CSMD3: variants seen among roughly 807,000 people sequenced by gnomAD.
The protein encoded by CSMD3 is CUB and sushi domain-containing protein 3.
A neutral mutation model predicts 435.2 loss-of-function variants in CSMD3; 177 were observed. That is an observed-to-expected ratio of 0.41 (90% CI 0.36 to 0.46). The LOEUF is 0.46. Among genes scored for constraint, CSMD3 ranks in the 20% least tolerant of loss-of-function variants. The pLI, the probability that CSMD3 is intolerant of heterozygous loss-of-function variation, is 0.34. For synonymous variants in CSMD3, 1,656 were observed against 1,520.5 expected (o/e 1.09, Z -2.07); for missense variants, 4,265 against 4,504.6 (o/e 0.95, Z 1.52).
intron 38 of CSMD3, among the ~76,000 whole-genome samples, chr8:112,368,700 G>T (rs55690769): frequency 0.18 from 27,777 of 151,970 alleles, 3,062 homozygotes; most frequent in Middle Eastern, 0.35. Context: ...ATTATGGGAG[G>T]AGGTTATAAG....
intron 7 of CSMD3, among the ~76,000 whole-genome samples, chr8:112,973,670 T>C (rs928606151): frequency 3.9e-5 from 6 of 151,902 alleles, no homozygotes; most frequent in South Asian, 4.1e-4. Flanking sequence ...AGCATAGCTA[T>C]ATTTTGAGAA....
At chr8:112,735,808 A>G (rs749255256) in intron 13 of CSMD3, among the ~76,000 whole-genome samples, 1 of 151,828 alleles carries the variant, frequency 6.6e-6, no homozygotes, top group Non-Finnish European at 1.5e-5. Flanking sequence ...ACAATATAAC[A>G]CTTTTTTTTT....
chr8:113,052,589 G>C (rs2088146150), intron 5 of CSMD3, among the ~76,000 whole-genome samples: 1 of 152,180 alleles, frequency 6.6e-6, no homozygotes, highest in Non-Finnish European at 1.5e-5. Flanking sequence ...GACCAGCCTG[G>C]ACAACGTAGC....
intron 5 of CSMD3, among the ~76,000 whole-genome samples, chr8:113,075,229 A>G (rs2089289036): frequency 6.6e-6 from 1 of 151,810 alleles, no homozygotes; most frequent in South Asian, 2.1e-4. Flanking sequence ...ATATAGAACA[A>G]TTGCCATTGA....
chr8:112,855,371 T>C (rs1032259306), intron 11 of CSMD3, among the ~76,000 whole-genome samples: 1 of 152,172 alleles, frequency 6.6e-6, no homozygotes, highest in East Asian at 1.9e-4. Context: ...GTATTTTAAA[T>C]ATAGTTTTCT....
At chr8:112,264,827 A>C (rs978111586) in intron 60 of CSMD3, among the ~76,000 whole-genome samples, 12 of 152,156 alleles carry the variant, frequency 7.9e-5, no homozygotes, top group African/African-American at 2.2e-4. Context: ...ACAGTATTCT[A>C]CAAGTAATCA....
intron 45 of CSMD3, among the ~76,000 whole-genome samples, chr8:112,324,429 C>T (rs1022627619): frequency 2.6e-5 from 4 of 152,040 alleles, no homozygotes; most frequent in Non-Finnish European, 4.4e-5. Context: ...TTATTGAGCT[C>T]CTATGATCTG....
In CSMD3 at chr8:112,499,360, G is replaced by A. The variant is rs148463120; in HGVS notation, c.5083+4430C>T. 8.5e-5 allele frequency among the ~76,000 whole-genome samples: 13 copies of A among 152,172 alleles called. No individual in the cohort carries two copies. The East Asian group carries it at 2.5e-3, about 29-fold the overall frequency. ...TAAGAAAAATGGCAAATTAAGAATA[G>A]TAGATTTTACCCAACTATTTCAATA... On this transcript the variant is annotated intron_variant, in intron 30 of 70. Transcript: ENST00000297405.
rs1248008050 is a variant in CSMD3, at chr8:112,706,007, C to T, written c.1973-15957G>A. Among the ~76,000 whole-genome samples the T allele has an allele frequency of 2.0e-5, 3 of 152,064 alleles. No individual in the cohort carries two copies. The East Asian group carries it at 5.8e-4, about 30-fold the overall frequency. On this transcript the variant is annotated intron_variant, in intron 13 of 70. Transcript: ENST00000297405. ...TCAAAGGAACTCCTTGACATTTGTC[C>T]TCAGTTTGGGACTAGGTACTGTGTC...
At chr8:113,289,926 A>G (rs972683182) in intron 2 of CSMD3, among the ~76,000 whole-genome samples, 1 of 151,764 alleles carries the variant, frequency 6.6e-6, no homozygotes, top group African/African-American at 2.4e-5. Context: ...AATATTAATT[A>G]GCACCCACTC....
chr8:112,303,096 A>G (rs1821092632), intron 52 of CSMD3, among the ~76,000 whole-genome samples: 1 of 152,112 alleles, frequency 6.6e-6, no homozygotes, highest in Admixed American at 6.6e-5. Flanking sequence ...ACCTGATTAA[A>G]TGAGTGTTTC....
At chr8:112,278,993 C>T (rs1042732008) in intron 59 of CSMD3, among the ~76,000 whole-genome samples, 5 of 150,298 alleles carry the variant, frequency 3.3e-5, no homozygotes, top group Non-Finnish European at 7.4e-5. Flanking sequence ...TGAAGCGTAT[C>T]CTGTAACTCC....
chr8:113,248,663 C>G lies in CSMD3; in HGVS notation c.514+29929G>C, dbSNP rs1484881891. On this transcript the variant is annotated intron_variant, in intron 3 of 70. Transcript: ENST00000297405. ...TCCACTGAGCAGTTCTGGGTCAGAT[C>G]AAAGAATGACAAATTCTAAATGAGA... Among the ~76,000 whole-genome samples the G allele has an allele frequency of 4.0e-5, 6 of 150,758 alleles. No homozygotes were observed. In the East Asian group the frequency reaches 1.2e-3, roughly 30 times the overall value.
At chr8:112,844,645 GGTGA>G (rs2080268168) in intron 11 of CSMD3, among the ~76,000 whole-genome samples, 1 of 151,934 alleles carries the variant, frequency 6.6e-6, no homozygotes, top group Non-Finnish European at 1.5e-5. Context: ...ATGGTAGGGT[GGTGA>G]GTTAGACTAT....
intron 25 of CSMD3, among the ~76,000 whole-genome samples, chr8:112,554,351 C>T (rs529668003): frequency 4.0e-5 from 6 of 151,846 alleles, no homozygotes; most frequent in East Asian, 3.9e-4. Flanking sequence ...ATAACACACT[C>T]GGGAGATTTT....
intron 10 of CSMD3, among the ~76,000 whole-genome samples, chr8:112,912,467 G>A (rs1177562471): frequency 1.3e-5 from 2 of 151,710 alleles, no homozygotes. Context: ...GATGTGAGGT[G>A]ATACCGTTTC....
intron 8 of CSMD3, 126 bp from the exon 9 acceptor site, chr8:112,948,003 G>C: frequency 1.7e-6 from 1 of 576,808 alleles, no homozygotes; most frequent in Non-Finnish European, 3.1e-6. Context: ...TGTCATTTAA[G>C]CATTTGTTAA....
chr8:112,940,678 G>C (rs1351161355), intron 9 of CSMD3, among the ~76,000 whole-genome samples: 1 of 151,766 alleles, frequency 6.6e-6, no homozygotes, highest in African/African-American at 2.4e-5. Flanking sequence ...TATCACCTAG[G>C]AGAGTAGAGC....
intron 1 of CSMD3, among the ~76,000 whole-genome samples, chr8:113,368,244 C>T (rs1485841597): frequency 2.0e-5 from 3 of 152,024 alleles, no homozygotes; most frequent in African/African-American, 7.2e-5. Context: ...ACCAAAGAAC[C>T]TTTTCATTTG....
Sources: allele counts gnomAD v4.1 joint callset (sites outside exome capture counted in the v4.1 genomes callset), GRCh38; gene constraint gnomAD v4.1.1; transcripts MANE v1.5; gene names NCBI Gene and HGNC (gene_info 2026-07-23, HGNC 2026-07-21).